The following TLL2 variants were observed in gnomAD, a reference collection of about 807,000 sequenced individuals.
TLL2 encodes the protein tolloid-like protein 2.
In TLL2, 106 loss-of-function variants were observed where a neutral mutation model predicts 123.0. The ratio of observed to expected loss-of-function variants is 0.86; its 90% CI spans 0.74 to 1.01. The LOEUF (loss-of-function observed/expected upper bound fraction) is 1.01, where lower values mean the gene tolerates loss of function less well. Ranked by LOEUF, TLL2 falls within the 50% of genes least tolerant of loss-of-function variation. The probability of loss-of-function intolerance (pLI) is 0.00; values close to 1 mark genes in which losing one functional copy is unlikely to be tolerated. For synonymous variants in TLL2, 494 were observed against 516.8 expected, an observed-to-expected ratio of 0.96 and a Z score of 0.60; for missense variants, 1,332 against 1,336.7, an observed-to-expected ratio of 1.00 and a Z score of 0.06.
chr10:96,440,003 T>C (rs1846835688), intron 3 of TLL2, among the ~76,000 whole-genome samples: 2 of 152,234 alleles, frequency 1.3e-5, no homozygotes, highest in South Asian at 2.1e-4. Context: ...TCTTCCATCA[T>C]AGTACAACCA....
chr10:96,393,422 T>C (rs890146608), intron 13 of TLL2, among the ~76,000 whole-genome samples: 2 of 152,220 alleles, frequency 1.3e-5, no homozygotes, highest in Non-Finnish European at 2.9e-5. Flanking sequence ...CATTTTCTCC[T>C]GATGACAGCC....
chr10:96,456,660 G>A (rs775941152), intron 2 of TLL2, among the ~76,000 whole-genome samples: 5 of 152,176 alleles, frequency 3.3e-5, no homozygotes, highest in Non-Finnish European at 5.9e-5. Flanking sequence ...CCTTCAATTC[G>A]GGCTGAGCTC....
intron 3 of TLL2, among the ~76,000 whole-genome samples, chr10:96,437,135 A>C (rs2134083130): frequency 6.6e-6 from 1 of 152,354 alleles, no homozygotes; most frequent in East Asian, 1.9e-4. Context: ...AACAAACAAT[A>C]CATCAAGCTT....
chr10:96,511,545 TGTCTGTGAAGA>T (rs1433134591), intron 1 of TLL2, among the ~76,000 whole-genome samples: 1 of 152,256 alleles, frequency 6.6e-6, no homozygotes, highest in Non-Finnish European at 1.5e-5. Flanking sequence ...CATCCCATTC[TGTCTGTGAAGA>T]ATCACAGAAT....
At chr10:96,491,335 T>C (rs192810461) in intron 1 of TLL2, among the ~76,000 whole-genome samples, 279 of 149,128 alleles carry the variant, frequency 1.9e-3, no homozygotes, top group Non-Finnish European at 3.5e-3. Context: ...TGAGCTGAGA[T>C]TGCACCATTG....
Position 96,376,729 on chromosome 10 carries a change from C to A in TLL2, c.2411G>T (p.Trp804Leu). ...GTGGCCTGCAGTCGAAGAGATGTTC[C>A]AGGTACACTCCCTCCGGCTGGGGTA... ...DKYPSRRECT[W>L]NISSTAGHRV... Residue 804 changes from tryptophan (W) to leucine (L), a missense_variant, in exon 18 of 21, where the codon TGG becomes TTG. Transcript: ENST00000357947. The A allele has an allele frequency of 6.2e-7, 1 of 1,609,188 alleles. No individual in the cohort carries two copies. Among genetic ancestry groups the A allele is most frequent in the Non-Finnish European group, 8.5e-7 (1 of 1,178,026 alleles).
At chr10:96,500,144 CAA>C (rs57153896) in intron 1 of TLL2, among the ~76,000 whole-genome samples, 79,405 of 120,738 alleles carry the variant, frequency 0.66, 24,046 homozygotes, top group Middle Eastern at 0.74. Context: ...AAATCTCTAC[CAA>C]AAAAAAAAAA....
chr10:96,395,272 C>T lies in TLL2; in HGVS notation c.1641G>A (p.Val547=), dbSNP rs774306817. 6.2e-7 allele frequency: 1 copy of T among 1,614,020 alleles called. No homozygotes were observed. The highest frequency in any genetic ancestry group is 1.7e-5 in the Admixed American group (1 of 60,014). The change falls in exon 13 of 21, where the codon GTG becomes GTA. Residue 547 remains valine, a synonymous_variant. Coordinates refer to ENST00000357947, the MANE Select transcript of TLL2 (RefSeq NM_012465.4). The part of the protein sequence containing the change: ...HFCGYEKPED[V]KSSSNRLWMK... ...TCCACAGTCTGTTGGAGCTCGATTT[C>T]ACATCCTCCGGCTTCTCATAGCCAC...
chr10:96,494,559 C>A (rs1312088396), intron 1 of TLL2, among the ~76,000 whole-genome samples: 1 of 152,236 alleles, frequency 6.6e-6, no homozygotes, highest in Non-Finnish European at 1.5e-5. Flanking sequence ...TTCATTTCTA[C>A]ACTTAGACCT....
chr10:96,367,793 G>A lies in TLL2; in HGVS notation c.*295C>T, dbSNP rs192631722. 734 of 304,308 alleles carry A rather than the reference G, an allele frequency of 2.4e-3. 5 individuals carry two copies. The highest frequency in any genetic ancestry group is 5.8e-3 in the Middle Eastern group (5 of 866). 18.9% of individuals were successfully genotyped at this position (304,308 alleles called of 1,614,324 possible). ...CATAGGAGCAAGGGACAAGGAGAATGGTATGAAGAAGCATAGCCGGAATGG... is the reference window on the plus strand; with the variant it reads ...CATAGGAGCAAGGGACAAGGAGAATAGTATGAAGAAGCATAGCCGGAATGG... On this transcript the variant is annotated 3_prime_UTR_variant, in exon 21 of 21. Coordinates refer to ENST00000357947, the MANE Select transcript of TLL2 (RefSeq NM_012465.4).
intron 13 of TLL2, among the ~76,000 whole-genome samples, chr10:96,393,852 A>G (rs533612126): frequency 1.3e-5 from 2 of 152,014 alleles, no homozygotes; most frequent in Non-Finnish European, 2.9e-5. Context: ...ATACCTCAAA[A>G]TAGGAAAAAA....
Position 96,422,745 on chromosome 10 carries a change from TAC to T in TLL2, c.639-20_639-19del. On this transcript the variant is annotated intron_variant, in intron 5 of 20. Transcript: ENST00000357947. ...AGCAACAGCTGGACAATTGCAGGAA[TAC>T]CCAGGTCAGCAGGTCAGAAGACATT... The T allele has an allele frequency of 6.2e-7, 1 of 1,613,876 alleles. No individual in the cohort carries two copies. Among genetic ancestry groups the T allele is most frequent in the Non-Finnish European group, 8.5e-7 (1 of 1,179,940 alleles).
At chr10:96,435,798 T>C (rs1461808429) in intron 3 of TLL2, among the ~76,000 whole-genome samples, 5 of 152,240 alleles carry the variant, frequency 3.3e-5, no homozygotes, top group African/African-American at 1.2e-4. Flanking sequence ...GTTGAATACT[T>C]GGTGCATTAA....
At position 96,452,525 on chromosome 10, in the gene TLL2, G is replaced by A. The variant is rs1846971668; in HGVS notation, c.287-6357C>T. ...CCTTCTTAATTTGCTGGGCCTTTAG[G>A]TCACATGTAATCTGCACAGCAATCC... On this transcript the variant is annotated intron_variant, in intron 2 of 20. Transcript: ENST00000357947. 5.3e-5 allele frequency among the ~76,000 whole-genome samples: 8 copies of A among 152,130 alleles called. No individual in the cohort carries two copies. In the South Asian group the frequency reaches 1.7e-3, roughly 32 times the overall value.
At chr10:96,505,838 T>C (rs1847572741) in intron 1 of TLL2, among the ~76,000 whole-genome samples, 1 of 152,232 alleles carries the variant, frequency 6.6e-6, no homozygotes, top group African/African-American at 2.4e-5. Flanking sequence ...TTTCTAGGCA[T>C]GGTACCAAGT....
chr10:96,373,615 G>A lies in TLL2; in HGVS notation c.2643C>T (p.Phe881=). The change falls in exon 19 of 21, where the codon TTC becomes TTT. Residue 881 remains phenylalanine (F), a synonymous_variant. Coordinates refer to ENST00000357947, the MANE Select transcript of TLL2 (RefSeq NM_012465.4). ...AGGTACCTGTGCTGTGCACTGCCTG[G>A]AAGCCTTTCCTCTGCACTGAGGCAT... ...YSDASVQRKG[F]QAVHSTECGG... The A allele has an allele frequency of 6.2e-7, 1 of 1,614,190 alleles. No individual in the cohort carries two copies. The highest frequency in any genetic ancestry group is 2.2e-5 in the East Asian group (1 of 44,888).
At chr10:96,453,360 G>A (rs1846980855) in intron 2 of TLL2, among the ~76,000 whole-genome samples, 1 of 152,194 alleles carries the variant, frequency 6.6e-6, no homozygotes, top group Non-Finnish European at 1.5e-5. Flanking sequence ...GGAGGCTGAG[G>A]CAGGAGAAAC....
chr10:96,499,984 G>T (rs1488749701), intron 1 of TLL2, among the ~76,000 whole-genome samples: 1 of 151,546 alleles, frequency 6.6e-6, no homozygotes, highest in Non-Finnish European at 1.5e-5. Context: ...GAGTGTAAAG[G>T]TATAAAAATC....
intron 10 of TLL2, among the ~76,000 whole-genome samples, chr10:96,402,535 C>G (rs925451803): frequency 6.6e-6 from 1 of 152,176 alleles, no homozygotes; most frequent in Non-Finnish European, 1.5e-5. Flanking sequence ...AAAGCCAGAC[C>G]CTCCTTCTGG....
Sources: allele counts gnomAD v4.1 joint callset (sites outside exome capture counted in the v4.1 genomes callset), GRCh38; gene constraint gnomAD v4.1.1; transcripts MANE v1.5; gene names NCBI Gene and HGNC (gene_info 2026-07-23, HGNC 2026-07-21).